STAB1: variants seen among roughly 807,000 people sequenced by gnomAD.
The protein encoded by STAB1 is stabilin 1, also known as stabilin-1.
STAB1 carries 250 observed loss-of-function variants against 332.4 expected under a neutral mutation model. That is an observed-to-expected ratio of 0.75 (90% CI 0.68 to 0.84). The LOEUF is 0.84. STAB1 is among the 40% of genes least tolerant of loss of function. The pLI, the probability that STAB1 is intolerant of heterozygous loss-of-function variation, is 0.00. For missense variants in STAB1, 3,249 were observed against 3,489.7 expected (o/e 0.93, Z 1.74); for synonymous variants, 1,475 against 1,390.4 (o/e 1.06, Z -1.35).
In STAB1 at chr3:52,495,509, G is replaced by A. The variant is rs759655580; in HGVS notation, c.78+18G>A. On this transcript the variant is annotated intron_variant, in intron 1 of 68. Transcript: ENST00000321725. The stretch of plus-strand genomic sequence containing the variant: ...GGGGGCAGGTAAGTGTGAGCCAGTC[G>A]CAGGGGCACACGGCGTCTGGGCCCT... The A allele has an allele frequency of 2.0e-5, 27 of 1,319,666 alleles. No homozygotes were observed. The East Asian group carries it at 4.6e-4, about 22-fold the overall frequency. 81.7% of individuals were successfully genotyped at this position (1,319,666 alleles called of 1,614,324 possible).
rs998908914 is a variant in STAB1 at position 52,518,709 on chromosome 3, C to A, written c.4888-14C>A. ...GCAGTCAGGGACCCCACTCCCCTCG[C>A]GACTCTGCTCCAGGATGAGCTGGCC... On this transcript the variant is annotated splice_polypyrimidine_tract_variant and intron_variant, in intron 47 of 68. Transcript: ENST00000321725. 6.2e-7 allele frequency: 1 copy of A among 1,612,188 alleles called. No homozygotes were observed. Among genetic ancestry groups the A allele is most frequent in the Non-Finnish European group, 8.5e-7 (1 of 1,179,520 alleles).
intron 21 of STAB1, 28 bp from the exon 22 acceptor site, chr3:52,509,182 C>T: frequency 1.2e-6 from 2 of 1,605,310 alleles, no homozygotes; most frequent in Admixed American, 1.7e-5. Flanking sequence ...TTTCCCATGA[C>T]TGATCCTGCC....
Position 52,514,394 on chromosome 3 carries a change from C to A in STAB1, c.3576C>A (p.Val1192=). The change falls in exon 34 of 69, where the codon GTC becomes GTA. Residue 1192 remains valine (V), a synonymous_variant. Coordinates refer to ENST00000321725, the MANE Select transcript of STAB1 (RefSeq NM_015136.3). ...CAGACACAGTGCGGCACCATGTGGT[C>A]CTGGGGGAGGCCCTCTCCATGGAAA... ...LDADTVRHHV[V]LGEALSMETL... 6.4e-7 allele frequency: 1 copy of A among 1,551,102 alleles called. No homozygotes were observed.
chr3:52,511,791 G>A (rs777984979), intron 26 of STAB1, 46 bp downstream of exon 26: 6 of 1,459,562 alleles, frequency 4.1e-6, no homozygotes, highest in East Asian at 2.5e-5. Context: ...TTTCTGGGGT[G>A]AGCCTGGGCT....
chr3:52,507,749 G>T, intron 19 of STAB1, 74 bp downstream of exon 19: 1 of 1,587,386 alleles, frequency 6.3e-7, no homozygotes, highest in South Asian at 1.1e-5. Flanking sequence ...TCACAGGGGT[G>T]GGTGGGGGAA....
Position 52,500,384 on chromosome 3 carries a change from C to G in STAB1, c.79-782C>G, listed in dbSNP as rs373803923. Among the ~76,000 whole-genome samples the G allele has an allele frequency of 4.6e-5, 7 of 152,370 alleles. No homozygotes were observed. In the East Asian group the frequency reaches 7.7e-4, roughly 17 times the overall value. The stretch of plus-strand genomic sequence containing the variant: ...GGTTTCCTCAGAGGCTGGCATGGCC[C>G]GTTGTCTCCTGTGACTGCCCAGCCC... On this transcript the variant is annotated intron_variant, in intron 1 of 68. Transcript: ENST00000321725.
At position 52,519,366 on chromosome 3, in the gene STAB1, G is replaced by C. The variant is rs761967422; in HGVS notation, c.5137G>C (p.Ala1713Pro). The change falls in exon 49 of 69, where the codon GCG (alanine) becomes CCG (proline). Residue 1713 changes from alanine to proline, a missense_variant. Coordinates refer to ENST00000321725, the MANE Select transcript of STAB1 (RefSeq NM_015136.3). ...FIDRVLLPPE[A>P]LHWEPDDAPI... ...TGACCGTGTCCTGCTGCCCCCCGAG[G>C]CGCTGCACTGGGAGCCTGATGATGC... 2 of 1,613,136 alleles carry C rather than the reference G, an allele frequency of 1.2e-6. No homozygotes were observed. The highest frequency in any genetic ancestry group is 1.7e-5 in the Admixed American group (1 of 60,024).
chr3:52,512,514 G>C, intron 27 of STAB1, 78 bp downstream of exon 27: 1 of 1,612,488 alleles, frequency 6.2e-7, no homozygotes, highest in East Asian at 2.2e-5. Flanking sequence ...GGTGGGAAAG[G>C]GGCACTGCTC....
Position 52,517,908 on chromosome 3 carries a change from A to G in STAB1, c.4666A>G (p.Thr1556Ala). ...KNNGGCSPYA[T>A]CKSTGDGQRT... ...CAATGGAGGATGCAGCCCATATGCC[A>G]CCTGCAAAAGCACAGGGGATGGCCA... The change falls in exon 45 of 69, where the codon ACC becomes GCC. Residue 1556 changes from threonine (T) to alanine (A), a missense_variant. Coordinates refer to ENST00000321725, the MANE Select transcript of STAB1 (RefSeq NM_015136.3). 6.2e-7 allele frequency: 1 copy of G among 1,611,598 alleles called. No individual in the cohort carries two copies. The highest frequency in any genetic ancestry group is 8.5e-7 in the Non-Finnish European group (1 of 1,179,596).
Position 52,502,630 on chromosome 3 carries a change from A to C in STAB1, c.488-2A>C. Reference sequence around the variant, plus strand: ...CCATCTGTCTCTGTGTGTCCCTCCCAGTGTGCAGCTGTGTGCACGGAGTGT... The same window carrying C: ...CCATCTGTCTCTGTGTGTCCCTCCCCGTGTGCAGCTGTGTGCACGGAGTGT... On this transcript the variant is annotated splice_acceptor_variant, in intron 5 of 68. Coordinates refer to ENST00000321725, the MANE Select transcript of STAB1 (RefSeq NM_015136.3). LOFTEE classifies it high-confidence loss of function. 1 of 1,608,374 alleles carries C rather than the reference A, an allele frequency of 6.2e-7. No homozygotes were observed.
At position 52,508,259 on chromosome 3, in the gene STAB1, T is replaced by C; in HGVS notation, c.2149-14T>C. Reference sequence around the variant, plus strand: ...GACCCAGATGGCCTCTTGGACCTGTTCTGTCTCTTATAGGAACAAGGCTGC... The same window carrying C: ...GACCCAGATGGCCTCTTGGACCTGTCCTGTCTCTTATAGGAACAAGGCTGC... On this transcript the variant is annotated splice_polypyrimidine_tract_variant and intron_variant, in intron 20 of 68. Coordinates refer to ENST00000321725, the MANE Select transcript of STAB1 (RefSeq NM_015136.3). 6.2e-7 allele frequency: 1 copy of C among 1,606,646 alleles called. No individual in the cohort carries two copies. The highest frequency in any genetic ancestry group is 8.5e-7 in the Non-Finnish European group (1 of 1,174,632).
chr3:52,502,749 G>A (rs1454255240), intron 6 of STAB1, 22 bp downstream of exon 6: 1 of 1,603,428 alleles, frequency 6.2e-7, no homozygotes, highest in Admixed American at 1.7e-5. Context: ...CACTGGGATA[G>A]CCTAGGGCAG....
At position 52,509,988 on chromosome 3, in the gene STAB1, T is replaced by C; in HGVS notation, c.2466T>C (p.Cys822=). 6.2e-7 allele frequency: 1 copy of C among 1,610,254 alleles called. No homozygotes were observed. Among genetic ancestry groups the C allele is most frequent in the Non-Finnish European group, 8.5e-7 (1 of 1,178,100 alleles). ...GRFCNESMGD[C]GPTGLAQHCH... ...TCTGCAACGAGTCCATGGGGGACTG[T>C]GGGCCCACAGGGCTGGCCCAGCACT... Residue 822 remains cysteine (C), a synonymous_variant, in exon 23 of 69, where the codon TGT becomes TGC. Coordinates refer to ENST00000321725, the MANE Select transcript of STAB1 (RefSeq NM_015136.3).
In STAB1 at chr3:52,505,833, C is replaced by T. The variant is rs201198804; in HGVS notation, c.1696-50C>T. ...GGGTATGGGGGCACCAGGACCTCCACGCTCCCCCACAGTTCCTCCAGGAGC... is the reference window on the plus strand; with the variant it reads ...GGGTATGGGGGCACCAGGACCTCCATGCTCCCCCACAGTTCCTCCAGGAGC... On this transcript the variant is annotated intron_variant, in intron 15 of 68. Transcript: ENST00000321725. The T allele has an allele frequency of 3.5e-4, 559 of 1,613,596 alleles. 9 individuals carry two copies. In the Middle Eastern group the frequency reaches 0.015, roughly 43 times the overall value.
Position 52,514,206 on chromosome 3 carries a change from G to A in STAB1, c.3539G>A (p.Ser1180Asn). 1.9e-6 allele frequency: 3 copies of A among 1,613,154 alleles called. No individual in the cohort carries two copies. Among genetic ancestry groups the A allele is most frequent in the South Asian group, 2.2e-5 (2 of 91,072 alleles). Residue 1180 changes from serine (S) to asparagine (N), a missense_variant, in exon 33 of 69, where the codon AGT (serine) becomes AAT (asparagine). Ser to Asn is a conservative substitution (Grantham distance 46, BLOSUM62 1). Coordinates refer to ENST00000321725, the MANE Select transcript of STAB1 (RefSeq NM_015136.3). ...NRSLEAQGNS[S>N]HLDADTVRHH... ...TCCCTGGAGGCCCAGGGCAACAGCA[G>A]TCACCTGGTGAGGCCGTGGGGATGG...
intron 37 of STAB1, 47 bp downstream of exon 37, chr3:52,515,553 T>C: frequency 6.3e-7 from 1 of 1,597,388 alleles, no homozygotes; most frequent in Non-Finnish European, 8.6e-7. Context: ...GAGAAGGAGG[T>C]GGGAGTGGGT....
chr3:52,505,930 C>A lies in STAB1; in HGVS notation c.1743C>A (p.His581Gln), dbSNP rs140934139. The change falls in exon 16 of 69, where the codon CAC (histidine) becomes CAA (glutamine). Residue 581 changes from histidine (H) to glutamine (Q), a missense_variant. His to Gln is a conservative substitution (Grantham distance 24, BLOSUM62 0). Coordinates refer to ENST00000321725, the MANE Select transcript of STAB1 (RefSeq NM_015136.3). ...TGGTGCGGTACCACATCTACAACCA[C>A]GGCCAGGTGCGAGGTCTTTTTCTGG... is the stretch of plus-strand genomic sequence containing the variant. The part of the protein sequence containing the change: ...QELVRYHIYN[H>Q]GQLTVEKLIS... 2 of 1,613,680 alleles carry A rather than the reference C, an allele frequency of 1.2e-6. No individual in the cohort carries two copies. The highest frequency in any genetic ancestry group is 4.5e-5 in the East Asian group (2 of 44,890).
intron 48 of STAB1, 132 bp from the exon 49 acceptor site, chr3:52,519,132 C>T (rs1197416711): frequency 3.2e-6 from 4 of 1,260,454 alleles, no homozygotes; most frequent in Non-Finnish European, 4.4e-6. Flanking sequence ...CCGCCCACCT[C>T]GTCCTGGTCC....
chr3:52,513,854 TACTG>T (rs1210939854), intron 31 of STAB1, 25 bp from the exon 32 acceptor site: 1 of 1,612,400 alleles, frequency 6.2e-7, no homozygotes, highest in Non-Finnish European at 8.5e-7. Context: ...AGCAATGACA[TACTG>T]ACCAGGCCCT....
Sources: allele counts gnomAD v4.1 joint callset (sites outside exome capture counted in the v4.1 genomes callset), GRCh38; gene constraint gnomAD v4.1.1; transcripts MANE v1.5; gene names NCBI Gene and HGNC (gene_info 2026-07-23, HGNC 2026-07-21).